The following TIMP3 variants were observed in gnomAD, a reference collection of about 807,000 sequenced individuals.
The protein encoded by TIMP3 is TIMP metallopeptidase inhibitor 3.
TIMP3 carries 11 observed loss-of-function variants against 30.0 expected under a neutral mutation model. The observed-to-expected ratio is 0.37, with a 90% CI of 0.23 to 0.61. The LOEUF (loss-of-function observed/expected upper bound fraction) is 0.61. Among genes scored for constraint, TIMP3 ranks in the 20% least tolerant of loss-of-function variants. TIMP3 has a pLI of 0.70. For missense variants in TIMP3, 181 were observed against 276.8 expected (o/e 0.65, Z 2.45); for synonymous variants, 112 against 111.3 (o/e 1.01, Z -0.04).
rs1286403246 is a variant in TIMP3, at chr22:32,862,017, A to T, written c.*2640A>T. The T allele has an allele frequency of 6.6e-6, 1 of 152,628 alleles. No homozygotes were observed. Among genetic ancestry groups the T allele is most frequent in the Non-Finnish European group, 1.5e-5 (1 of 68,034 alleles). The allele number at this position is 152,628 out of a possible 1,614,324, so 9.5% of individuals were successfully genotyped here. A position where few individuals can be genotyped will look rare whatever the true frequency, so the allele number is the denominator to read the frequency against. On this transcript the variant is annotated 3_prime_UTR_variant, in exon 5 of 5. Coordinates refer to ENST00000266085, the MANE Select transcript of TIMP3 (RefSeq NM_000362.5). ...TCTAGGCAAGCAGCTAGACTGGTGA[A>T]TTGGGGGAAATAGAAGGAACTAGTA...
At chr22:32,804,801 G>T (rs1023238486) in intron 1 of TIMP3, among the ~76,000 whole-genome samples, 1 of 152,186 alleles carries the variant, frequency 6.6e-6, no homozygotes, top group Non-Finnish European at 1.5e-5. Context: ...GACACACTGT[G>T]GGGGAAAGAA....
chr22:32,831,481 A>G (rs1400698008), intron 1 of TIMP3, among the ~76,000 whole-genome samples: 15 of 152,194 alleles, frequency 9.9e-5, no homozygotes. Context: ...ATGGCTGTGC[A>G]CATCTCCACT....
chr22:32,833,916 T>C lies in TIMP3; in HGVS notation c.122-15536T>C, dbSNP rs73158337. 8.7e-3 allele frequency: 4,324 copies of C among 496,364 alleles called. 53 individuals are homozygous for C. Among genetic ancestry groups the C allele is most frequent in the South Asian group, 0.024 (1,653 of 69,486 alleles). 30.7% of individuals were successfully genotyped at this position (496,364 alleles called of 1,614,324 possible). On this transcript the variant is annotated intron_variant, in intron 1 of 4. Coordinates refer to ENST00000266085, the MANE Select transcript of TIMP3 (RefSeq NM_000362.5). ...ACTAATAATAGTATTAGAATTAGTA[T>C]TGTAATCATTGACAATAGGATTTTT...
At chr22:32,829,855 C>A (rs1336749821) in intron 1 of TIMP3, among the ~76,000 whole-genome samples, 1 of 152,246 alleles carries the variant, frequency 6.6e-6, no homozygotes, top group Admixed American at 6.5e-5. Context: ...AACTACACCC[C>A]ACCCTTGGGT....
At chr22:32,834,070 A>G (rs1332503023) in intron 1 of TIMP3, among the ~76,000 whole-genome samples, 2 of 152,088 alleles carry the variant, frequency 1.3e-5, no homozygotes, top group Non-Finnish European at 2.9e-5. Flanking sequence ...TATAATGGAA[A>G]ATGTATTCCA....
rs1185554335 is a variant in TIMP3, at chr22:32,861,470, C to T, written c.*2093C>T. 4 of 152,232 alleles carry T rather than the reference C, an allele frequency of 2.6e-5. No individual in the cohort carries two copies. The highest frequency in any genetic ancestry group is 5.9e-5 in the Non-Finnish European group (4 of 68,046). 9.4% of individuals were successfully genotyped at this position (152,232 alleles called of 1,614,324 possible). ...GTTTTGGGATTGTCCTTATTTTAAC[C>T]TCAAGGTCTCGCATGGTGGGGCCCC... On this transcript the variant is annotated 3_prime_UTR_variant, in exon 5 of 5. Coordinates refer to ENST00000266085, the MANE Select transcript of TIMP3 (RefSeq NM_000362.5).
chr22:32,849,571 T>C (rs763060423), intron 2 of TIMP3, 37 bp downstream of exon 2: 5 of 1,592,910 alleles, frequency 3.1e-6, no homozygotes, highest in South Asian at 2.3e-5. Flanking sequence ...GGGAAGGTTT[T>C]TGGGTTTTTG....
At chr22:32,803,644 C>T (rs749343594) in intron 1 of TIMP3, among the ~76,000 whole-genome samples, 25 of 152,198 alleles carry the variant, frequency 1.6e-4, no homozygotes, top group Non-Finnish European at 3.1e-4. Flanking sequence ...CCACATTCCA[C>T]TTACCCTTTC....
chr22:32,810,574 C>A (rs2046890176), intron 1 of TIMP3, among the ~76,000 whole-genome samples: 1 of 152,108 alleles, frequency 6.6e-6, no homozygotes, highest in South Asian at 2.1e-4. Context: ...GCTGACCAAG[C>A]CTCCAAGAGC....
At chr22:32,853,821 T>G (rs1189689355) in intron 2 of TIMP3, among the ~76,000 whole-genome samples, 1 of 152,182 alleles carries the variant, frequency 6.6e-6, no homozygotes, top group Non-Finnish European at 1.5e-5. Flanking sequence ...TCAAACACCC[T>G]AAGAAGTGCT....
chr22:32,828,346 G>A (rs2047474460), intron 1 of TIMP3, among the ~76,000 whole-genome samples: 1 of 152,204 alleles, frequency 6.6e-6, no homozygotes, highest in Non-Finnish European at 1.5e-5. Flanking sequence ...ATTCTTTTAT[G>A]TTGATGTGAA....
chr22:32,840,717 G>T (rs1405205315), intron 1 of TIMP3, among the ~76,000 whole-genome samples: 1 of 152,050 alleles, frequency 6.6e-6, no homozygotes, highest in Non-Finnish European at 1.5e-5. Context: ...AGTCTCTTCT[G>T]CAGGATGGGC....
intron 1 of TIMP3, among the ~76,000 whole-genome samples, chr22:32,841,694 T>C (rs990071761): frequency 3.0e-4 from 1 of 3,324 alleles, no homozygotes; most frequent in Non-Finnish European, 6.8e-4. Context: ...GTGGGTGGGG[T>C]AGGGGAGGGA....
chr22:32,848,387 A>G (rs1175347895), intron 1 of TIMP3, among the ~76,000 whole-genome samples: 1 of 152,200 alleles, frequency 6.6e-6, no homozygotes, highest in Non-Finnish European at 1.5e-5. Context: ...TATAGATGAG[A>G]AAATTGAGGC....
chr22:32,830,734 C>T (rs1018576568), intron 1 of TIMP3, among the ~76,000 whole-genome samples: 1 of 152,108 alleles, frequency 6.6e-6, no homozygotes, highest in Non-Finnish European at 1.5e-5. Context: ...TTTCCTGTAC[C>T]CAGGCCTGGG....
chr22:32,854,718 C>T (rs1284294537), intron 2 of TIMP3, among the ~76,000 whole-genome samples: 5 of 152,170 alleles, frequency 3.3e-5, no homozygotes, highest in Admixed American at 6.5e-5. Flanking sequence ...GCGCCCCCAC[C>T]GCGTAATTGA....
At chr22:32,857,387 C>CAAACCCTGGCCTAGA in intron 3 of TIMP3, 27 bp downstream of exon 3, 1 of 1,574,630 alleles carries the variant, frequency 6.4e-7, no homozygotes, top group Non-Finnish European at 8.7e-7. Context: ...GCTTCTAGGC[C>CAAACCCTGGCCTAGA]AGGGTTTGGC....
intron 1 of TIMP3, among the ~76,000 whole-genome samples, chr22:32,844,731 A>T (rs2146214591): frequency 6.7e-6 from 1 of 150,102 alleles, no homozygotes; most frequent in East Asian, 2.0e-4. Context: ...TTTTGCTGAG[A>T]CAGAGTCTTG....
At chr22:32,853,073 ACTTC>A (rs1418564698) in intron 2 of TIMP3, among the ~76,000 whole-genome samples, 3 of 152,144 alleles carry the variant, frequency 2.0e-5, no homozygotes, top group Non-Finnish European at 4.4e-5. Flanking sequence ...ACCTCCAGGG[ACTTC>A]CTTCCTTTAG....
Sources: allele counts gnomAD v4.1 joint callset (sites outside exome capture counted in the v4.1 genomes callset), GRCh38; gene constraint gnomAD v4.1.1; transcripts MANE v1.5; gene names NCBI Gene and HGNC (gene_info 2026-07-23, HGNC 2026-07-21).